PRKCE: variants seen among roughly 807,000 people sequenced by gnomAD.
PRKCE encodes the protein protein kinase C epsilon type.
In PRKCE, 16 loss-of-function variants were observed where a neutral mutation model predicts 85.4. That is an observed-to-expected ratio of 0.19 (90% CI 0.13 to 0.28). The LOEUF (loss-of-function observed/expected upper bound fraction) is 0.28. Among genes scored for constraint, PRKCE ranks in the 10% least tolerant of loss-of-function variants. The pLI is 1.00. For missense variants in PRKCE, 573 were observed against 975.2 expected (o/e 0.59, Z 5.49); for synonymous variants, 388 against 371.5 (o/e 1.04, Z -0.51).
chr2:46,080,382 G>A (rs1668960512), intron 10 of PRKCE, among the ~76,000 whole-genome samples: 1 of 152,186 alleles, frequency 6.6e-6, no homozygotes, highest in Non-Finnish European at 1.5e-5. Flanking sequence ...GAGCTTTGTT[G>A]AGTAGAAAAC....
chr2:45,663,386 A>G (rs1035667273), intron 1 of PRKCE, among the ~76,000 whole-genome samples: 1 of 152,236 alleles, frequency 6.6e-6, no homozygotes, highest in Admixed American at 6.5e-5. Context: ...AGGGGAATTA[A>G]TGTGGGTTCT....
chr2:45,820,283 G>A (rs1689424570), intron 1 of PRKCE, among the ~76,000 whole-genome samples: 1 of 152,222 alleles, frequency 6.6e-6, no homozygotes, highest in Admixed American at 6.5e-5. Context: ...TGTGGGGAGA[G>A]GGTAATCTCC....
intron 1 of PRKCE, among the ~76,000 whole-genome samples, chr2:45,734,803 C>T (rs191853406): frequency 1.3e-5 from 2 of 152,312 alleles, no homozygotes; most frequent in African/African-American, 4.8e-5. Flanking sequence ...GGACTATTGC[C>T]TCAGCAGAAG....
At chr2:45,817,064 A>AGT in intron 1 of PRKCE, among the ~76,000 whole-genome samples, 1 of 91,732 alleles carries the variant, frequency 1.1e-5, no homozygotes, top group Non-Finnish European at 2.3e-5. Context: ...TACTGTAAGT[A>AGT]GAGTGTGTGT....
At chr2:45,744,473 CTTTCTTTCTTTCTTTT>C (rs1174943942) in intron 1 of PRKCE, among the ~76,000 whole-genome samples, 103 of 39,062 alleles carry the variant, frequency 2.6e-3, no homozygotes, top group South Asian at 6.7e-3. Flanking sequence ...TTCTTTCTTT[CTTTCTTTCTTTCTTTT>C]TCTTTCTTTC....
intron 2 of PRKCE, among the ~76,000 whole-genome samples, chr2:45,878,275 T>C (rs980267935): frequency 6.6e-6 from 1 of 152,232 alleles, no homozygotes; most frequent in Admixed American, 6.5e-5. Context: ...CTGGACCTGT[T>C]ATGAAGGCAT....
chr2:45,886,275 T>A (rs1368278251), intron 2 of PRKCE, among the ~76,000 whole-genome samples: 1 of 152,208 alleles, frequency 6.6e-6, no homozygotes, highest in Non-Finnish European at 1.5e-5. Flanking sequence ...TCCCAATTCC[T>A]AACCCACTCC....
intron 2 of PRKCE, among the ~76,000 whole-genome samples, chr2:45,898,060 C>T (rs931131222): frequency 6.6e-6 from 1 of 152,192 alleles, no homozygotes; most frequent in Non-Finnish European, 1.5e-5. Flanking sequence ...CAGGCACAGG[C>T]GTGGTTCCCT....
At chr2:45,921,434 C>G (rs1041378603) in intron 2 of PRKCE, among the ~76,000 whole-genome samples, 2 of 152,246 alleles carry the variant, frequency 1.3e-5, no homozygotes, top group African/African-American at 4.8e-5. Context: ...TGAGCACTTG[C>G]GTGCCAGCTA....
chr2:46,172,888 C>T (rs1679056626), intron 14 of PRKCE, among the ~76,000 whole-genome samples: 1 of 152,214 alleles, frequency 6.6e-6, no homozygotes, highest in Non-Finnish European at 1.5e-5. Flanking sequence ...TATTGTACCA[C>T]TTAGAAAGCC....
At chr2:45,768,837 A>G (rs916862482) in intron 1 of PRKCE, among the ~76,000 whole-genome samples, 4 of 152,356 alleles carry the variant, frequency 2.6e-5, no homozygotes, top group Admixed American at 2.6e-4. Flanking sequence ...ATGCTTAATT[A>G]TATCCAAATG....
intron 4 of PRKCE, among the ~76,000 whole-genome samples, chr2:45,979,977 G>C (rs1196685960): frequency 6.6e-6 from 1 of 152,154 alleles, no homozygotes; most frequent in African/African-American, 2.4e-5. Flanking sequence ...CCATGGGAGG[G>C]CTGGAAGGAA....
At chr2:45,939,400 T>C (rs1384842896) in intron 2 of PRKCE, among the ~76,000 whole-genome samples, 1 of 152,206 alleles carries the variant, frequency 6.6e-6, no homozygotes, top group African/African-American at 2.4e-5. Flanking sequence ...TCCTTCCGCA[T>C]GTTGCTCTTT....
intron 1 of PRKCE, among the ~76,000 whole-genome samples, chr2:45,747,426 C>T (rs762977547): frequency 2.6e-4 from 39 of 152,332 alleles, no homozygotes; most frequent in Non-Finnish European, 5.0e-4. Flanking sequence ...AAGTGCACTA[C>T]TCTAGCTACC....
chr2:45,942,576 T>A (rs569137322), intron 2 of PRKCE, among the ~76,000 whole-genome samples: 1 of 152,106 alleles, frequency 6.6e-6, no homozygotes, highest in African/African-American at 2.4e-5. Flanking sequence ...TGGCGTAGGG[T>A]GTGCACTCAG....
intron 10 of PRKCE, among the ~76,000 whole-genome samples, chr2:46,054,923 G>A (rs551498960): frequency 9.9e-5 from 15 of 152,258 alleles, no homozygotes; most frequent in Middle Eastern, 3.4e-3. Flanking sequence ...GCTTGACAGC[G>A]TAGCTTCAGA....
At chr2:45,893,813 G>A (rs939365162) in intron 2 of PRKCE, among the ~76,000 whole-genome samples, 3 of 152,078 alleles carry the variant, frequency 2.0e-5, no homozygotes, top group Non-Finnish European at 4.4e-5. Context: ...CCAACTATGC[G>A]GTGAGCTCCT....
At chr2:46,180,723 A>G (rs1679892940) in intron 14 of PRKCE, among the ~76,000 whole-genome samples, 2 of 152,204 alleles carry the variant, frequency 1.3e-5, no homozygotes, top group Admixed American at 1.3e-4. Flanking sequence ...GGAACCTAAT[A>G]TCACATCTCA....
intron 6 of PRKCE, among the ~76,000 whole-genome samples, chr2:45,992,262 T>A (rs1703862509): frequency 6.6e-6 from 1 of 152,152 alleles, no homozygotes; most frequent in Non-Finnish European, 1.5e-5. Flanking sequence ...CCTGTACACG[T>A]GGCAGATTGG....
Sources: allele counts gnomAD v4.1 joint callset (sites outside exome capture counted in the v4.1 genomes callset), GRCh38; gene constraint gnomAD v4.1.1; transcripts MANE v1.5; gene names NCBI Gene and HGNC (gene_info 2026-07-23, HGNC 2026-07-21).